Variants in NMBR observed in about 807,000 individuals in gnomAD.
NMBR encodes the protein neuromedin-B receptor.
Under a neutral mutation model 20.5 loss-of-function variants are expected in NMBR, and 16 were observed. The ratio of observed to expected loss-of-function variants is 0.78; its 90% CI spans 0.53 to 1.19. The LOEUF (loss-of-function observed/expected upper bound fraction) is 1.19, where lower values mean the gene tolerates loss of function less well. NMBR is among the 50% of genes most tolerant of loss of function. The probability of loss-of-function intolerance (pLI) is 0.00; values close to 1 mark genes in which losing one functional copy is unlikely to be tolerated. For synonymous variants in NMBR, 212 were observed against 196.6 expected, an observed-to-expected ratio of 1.08 and a Z score of -0.65; for missense variants, 582 against 499.1, an observed-to-expected ratio of 1.17 and a Z score of -1.58.
chr6:142,114,958 A>G (rs1282995705), intron 1 of NMBR, among the ~76,000 whole-genome samples: 2 of 152,142 alleles, frequency 1.3e-5, no homozygotes, highest in African/African-American at 4.8e-5. Context: ...AGTGACAGTA[A>G]AGAGAACTGA....
chr6:142,097,340 C>T (rs1039988579), intron 1 of NMBR, among the ~76,000 whole-genome samples: 7 of 152,082 alleles, frequency 4.6e-5, no homozygotes, highest in African/African-American at 9.7e-5. Context: ...TTAGTGCTTC[C>T]TTCAGGAGAT....
intron 1 of NMBR, among the ~76,000 whole-genome samples, chr6:142,105,629 T>G (rs185034273): frequency 2.0e-5 from 3 of 152,342 alleles, no homozygotes; most frequent in African/African-American, 7.2e-5. Flanking sequence ...ATATATTTTC[T>G]CATTAAAAGC....
Position 142,147,116 on chromosome 6 carries a change from G to A in NMBR, c.-736C>T, listed in dbSNP as rs1018938762. 1.1e-5 allele frequency: 7 copies of A among 657,714 alleles called. No homozygotes were observed. The highest frequency in any genetic ancestry group is 3.6e-5 in the African/African-American group (2 of 55,386). The allele number at this position is 657,714 out of a possible 1,614,324, so 40.7% of individuals were successfully genotyped here. A position where few individuals can be genotyped will look rare whatever the true frequency, so the allele number is the denominator to read the frequency against. On this transcript the variant is annotated 5_prime_UTR_variant, in exon 1 of 4. Transcript: ENST00000258042. ...GGGTCTTCTGTGGGTTCTAACCGCC[G>A]AGAGCCAAGCACCCTGAGGTTGTCC...
chr6:142,096,858 G>T (rs1381000969), intron 1 of NMBR, among the ~76,000 whole-genome samples: 2 of 151,624 alleles, frequency 1.3e-5, no homozygotes, highest in Admixed American at 6.6e-5. Flanking sequence ...GGGTGCTCCT[G>T]TATTGGGTGC....
chr6:142,134,380 C>T (rs563443667), intron 1 of NMBR, among the ~76,000 whole-genome samples: 1 of 152,226 alleles, frequency 6.6e-6, no homozygotes, highest in African/African-American at 2.4e-5. Context: ...TTCAACATTA[C>T]TACCTTCATT....
intron 3 of NMBR, among the ~76,000 whole-genome samples, chr6:142,076,952 G>A (rs1164445632): frequency 6.6e-6 from 1 of 152,158 alleles, no homozygotes; most frequent in Non-Finnish European, 1.5e-5. Flanking sequence ...ATATCTGATG[G>A]TAGGTAGCAA....
intron 3 of NMBR, among the ~76,000 whole-genome samples, chr6:142,077,778 G>C (rs1284080408): frequency 1.3e-5 from 2 of 152,124 alleles, no homozygotes; most frequent in Non-Finnish European, 2.9e-5. Flanking sequence ...TAACTACTCT[G>C]TACCTGCAAA....
chr6:142,117,750 T>A (rs1395001538), intron 1 of NMBR, among the ~76,000 whole-genome samples: 1 of 151,874 alleles, frequency 6.6e-6, no homozygotes, highest in Non-Finnish European at 1.5e-5. Flanking sequence ...TATGAAAAAA[T>A]CGTACAAAAT....
intron 1 of NMBR, among the ~76,000 whole-genome samples, chr6:142,095,010 G>C (rs1777416210): frequency 6.6e-6 from 1 of 152,180 alleles, no homozygotes; most frequent in South Asian, 2.1e-4. Context: ...TTTGTATCCT[G>C]AGAATTTGCT....
At position 142,109,054 on chromosome 6, in the gene NMBR, T is replaced by C. The variant is rs1034850140; in HGVS notation, c.-663-19733A>G. On this transcript the variant is annotated intron_variant, in intron 1 of 3. Transcript: ENST00000258042. ...AATCATGCCCACCTCAGCTGATGCA[T>C]GAGGTGGGCTTCCACAGCCTTGGGC... 2.6e-5 allele frequency among the ~76,000 whole-genome samples: 4 copies of C among 152,194 alleles called. No homozygotes were observed. In the East Asian group the frequency reaches 7.7e-4, roughly 29 times the overall value.
intron 1 of NMBR, among the ~76,000 whole-genome samples, chr6:142,091,297 A>AC (rs1470340103): frequency 6.6e-6 from 1 of 152,172 alleles, no homozygotes; most frequent in Non-Finnish European, 1.5e-5. Context: ...AAGATGGCTC[A>AC]CTATAGCCTC....
chr6:142,098,292 C>T (rs1024948209), intron 1 of NMBR, among the ~76,000 whole-genome samples: 4 of 152,102 alleles, frequency 2.6e-5, no homozygotes, highest in Admixed American at 6.6e-5. Flanking sequence ...TGTGTACTCT[C>T]ACCATTCCTT....
At chr6:142,133,246 AT>A (rs1483041761) in intron 1 of NMBR, 2 of 606,692 alleles carry the variant, frequency 3.3e-6, no homozygotes, top group Admixed American at 4.9e-5. Context: ...TTTTCTGAGT[AT>A]TTTACCCTGA....
chr6:142,136,597 T>G (rs1187219280), intron 1 of NMBR, among the ~76,000 whole-genome samples: 1 of 152,222 alleles, frequency 6.6e-6, no homozygotes, highest in Non-Finnish European at 1.5e-5. Flanking sequence ...TGGTAATGCC[T>G]AGGTTTTCTT....
At chr6:142,089,514 A>G (rs1348318411) in intron 1 of NMBR, among the ~76,000 whole-genome samples, 193 bp from the exon 2 acceptor site, 3 of 152,140 alleles carry the variant, frequency 2.0e-5, no homozygotes, top group Non-Finnish European at 4.4e-5. Context: ...ACATTTCTTA[A>G]TCGTTCTGCT....
chr6:142,077,447 T>C (rs1776972850), intron 3 of NMBR, among the ~76,000 whole-genome samples: 1 of 150,596 alleles, frequency 6.6e-6, no homozygotes, highest in Non-Finnish European at 1.5e-5. Context: ...AAAGAACTAA[T>C]TATATAAAAT....
chr6:142,139,942 A>G (rs983094650), intron 1 of NMBR, among the ~76,000 whole-genome samples: 6 of 152,230 alleles, frequency 3.9e-5, no homozygotes, highest in Non-Finnish European at 7.4e-5. Context: ...AAAGCATTTC[A>G]TAAAAAGCTC....
chr6:142,078,356 A>G (rs1776993963), intron 3 of NMBR, among the ~76,000 whole-genome samples, 199 bp downstream of exon 3: 1 of 152,230 alleles, frequency 6.6e-6, no homozygotes, highest in South Asian at 2.1e-4. Flanking sequence ...GATAAATGAT[A>G]AACTGAACCT....
chr6:142,100,884 T>C (rs1166591115), intron 1 of NMBR, among the ~76,000 whole-genome samples: 1 of 152,240 alleles, frequency 6.6e-6, no homozygotes, highest in Non-Finnish European at 1.5e-5. Flanking sequence ...TTCAGACTGC[T>C]ATAATAAAAT....
Sources: allele counts gnomAD v4.1 joint callset (sites outside exome capture counted in the v4.1 genomes callset), GRCh38; gene constraint gnomAD v4.1.1; transcripts MANE v1.5; gene names NCBI Gene and HGNC (gene_info 2026-07-23, HGNC 2026-07-21).